The following ATXN2 variants were observed in gnomAD, a reference collection of about 807,000 sequenced individuals.
ATXN2 encodes ataxin-2.
ATXN2 carries 37 observed loss-of-function variants against 138.6 expected under a neutral mutation model. The observed-to-expected ratio is 0.27, with a 90% CI of 0.21 to 0.35. The LOEUF is 0.35. ATXN2 is among the 10% of genes least tolerant of loss of function. The probability of loss-of-function intolerance (pLI) is 1.00; values close to 1 mark genes in which losing one functional copy is unlikely to be tolerated. For missense variants in ATXN2, 1,216 were observed against 1,480.3 expected (o/e 0.82, Z 2.93); for synonymous variants, 549 against 543.7 (o/e 1.01, Z -0.13).
intron 1 of ATXN2, among the ~76,000 whole-genome samples, chr12:111,557,530 A>G (rs922493142): frequency 6.6e-6 from 1 of 152,208 alleles, no homozygotes; most frequent in African/African-American, 2.4e-5. Context: ...ACACCATACT[A>G]AGTACTTCAC....
intron 15 of ATXN2, among the ~76,000 whole-genome samples, chr12:111,487,646 G>T (rs1453831291): frequency 6.6e-6 from 1 of 151,878 alleles, no homozygotes; most frequent in African/African-American, 2.4e-5. Flanking sequence ...TTTTAGTACA[G>T]ACAGGGTTTC....
chr12:111,531,552 T>C (rs1880834518), intron 5 of ATXN2, among the ~76,000 whole-genome samples: 1 of 152,104 alleles, frequency 6.6e-6, no homozygotes, highest in South Asian at 2.1e-4. Context: ...TGAATACTCA[T>C]CTGTTCTAAC....
intron 14 of ATXN2, among the ~76,000 whole-genome samples, chr12:111,501,944 C>T (rs764817390): frequency 6.6e-5 from 10 of 151,488 alleles, no homozygotes; most frequent in African/African-American, 1.7e-4. Flanking sequence ...CAGACTGGAG[C>T]GCAGTGGTGC....
chr12:111,470,109 A>G lies in ATXN2; in HGVS notation c.2841T>C (p.Tyr947=). 3 of 1,613,734 alleles carry G rather than the reference A, an allele frequency of 1.9e-6. No homozygotes were observed. Among genetic ancestry groups the G allele is most frequent in the Non-Finnish European group, 2.5e-6 (3 of 1,179,834 alleles). The part of the protein sequence containing the change: ...YGAHEQTHAM[Y]ACPKLPYNKE... ...AGAGACAAACAAAGTGCTTCCTACC[A>G]TACATCGCATGCGTCTGCTCATGAG... Residue 947 remains tyrosine, a splice_region_variant and synonymous_variant, in exon 20 of 25, where the codon TAT becomes TAC. Transcript: ENST00000673436.
chr12:111,484,866 G>A (rs1403019563), intron 18 of ATXN2, among the ~76,000 whole-genome samples: 1 of 152,060 alleles, frequency 6.6e-6, no homozygotes, highest in Non-Finnish European at 1.5e-5. Flanking sequence ...AAACAGCTGG[G>A]GCTACAGGCA....
At chr12:111,535,996 T>C in intron 5 of ATXN2, among the ~76,000 whole-genome samples, 2 of 122,438 alleles carry the variant, frequency 1.6e-5, no homozygotes, top group African/African-American at 9.6e-5. Flanking sequence ...CGAGACTCCG[T>C]CTCAAAAAAA....
intron 1 of ATXN2, among the ~76,000 whole-genome samples, chr12:111,588,413 A>C (rs950903656): frequency 1.3e-5 from 2 of 152,226 alleles, no homozygotes; most frequent in South Asian, 2.1e-4. Context: ...ACTTGAGGCC[A>C]GAAGTTCCAG....
At chr12:111,458,015 C>T (rs1875246820) in intron 21 of ATXN2, 1 of 152,228 alleles carries the variant, frequency 6.6e-6, no homozygotes, top group Non-Finnish European at 1.5e-5. Flanking sequence ...ATTTACTAGA[C>T]TAACTTCAAA....
In ATXN2 at chr12:111,554,618, A is replaced by G. The variant is rs1882292175; in HGVS notation, c.289-401T>C. Among the ~76,000 whole-genome samples, 5 of 152,320 alleles carry G rather than the reference A, an allele frequency of 3.3e-5. No individual in the cohort carries two copies. In the South Asian group the frequency reaches 8.3e-4, roughly 25 times the overall value. ...GGTGTTTTGACTAAACATGACATAA[A>G]AAAGCAAGAGTAAACTTCCATAGAG... is the stretch of plus-strand genomic sequence containing the variant. On this transcript the variant is annotated intron_variant, in intron 2 of 24. Transcript: ENST00000673436.
Position 111,518,355 on chromosome 12 carries a change from T to C in ATXN2, c.1059A>G (p.Ser353=). 3 of 1,613,526 alleles carry C rather than the reference T, an allele frequency of 1.9e-6. No individual in the cohort carries two copies. The highest frequency in any genetic ancestry group is 2.5e-6 in the Non-Finnish European group (3 of 1,179,574). ...VISWGSGRQN[S]PRMGQPGSGS... ...CCGATCCAGGCTGGCCCATACGCGGTGAATTCTGTCTCCCACTTCCCCAGG... is the reference window on the plus strand; with the variant it reads ...CCGATCCAGGCTGGCCCATACGCGGCGAATTCTGTCTCCCACTTCCCCAGG... The change falls in exon 9 of 25, where the codon TCA becomes TCG. Residue 353 remains serine, a synonymous_variant. Coordinates refer to ENST00000673436, the MANE Select transcript of ATXN2 (RefSeq NM_001372574.1).
At chr12:111,595,312 A>T (rs927276747) in intron 1 of ATXN2, among the ~76,000 whole-genome samples, 3 of 152,238 alleles carry the variant, frequency 2.0e-5, no homozygotes, top group Non-Finnish European at 4.4e-5. Context: ...ATAACAAAAA[A>T]GTGGAAACCC....
chr12:111,558,763 C>T (rs1417042005), intron 1 of ATXN2, among the ~76,000 whole-genome samples: 1 of 152,076 alleles, frequency 6.6e-6, no homozygotes, highest in Non-Finnish European at 1.5e-5. Flanking sequence ...TGCCACTGCA[C>T]TCCAGCATTG....
chr12:111,551,854 C>T (rs666727), intron 5 of ATXN2, among the ~76,000 whole-genome samples: 46,591 of 151,758 alleles, frequency 0.31, 9,219 homozygotes, highest in African/African-American at 0.57. Flanking sequence ...CTTACTTGGG[C>T]TATTCTAGAA....
intron 5 of ATXN2, among the ~76,000 whole-genome samples, chr12:111,547,836 A>ATTTTTTTT (rs34988312): frequency 1.5e-4 from 15 of 100,218 alleles, no homozygotes; most frequent in African/African-American, 2.9e-4. Context: ...TTGCTTGAGA[A>ATTTTTTTT]TTTTTTTTTT....
At chr12:111,502,588 C>T (rs1213907725) in intron 14 of ATXN2, among the ~76,000 whole-genome samples, 1 of 152,078 alleles carries the variant, frequency 6.6e-6, no homozygotes, top group African/African-American at 2.4e-5. Context: ...TGCCACCACG[C>T]CTGGCTAATT....
chr12:111,561,202 G>C (rs1341750383), intron 1 of ATXN2, among the ~76,000 whole-genome samples: 1 of 150,722 alleles, frequency 6.6e-6, no homozygotes, highest in African/African-American at 2.4e-5. Context: ...AAAAATAAAT[G>C]AACAGTCTCT....
intron 1 of ATXN2, among the ~76,000 whole-genome samples, chr12:111,556,983 A>G (rs1566062435): frequency 2.0e-5 from 3 of 152,182 alleles, no homozygotes; most frequent in Non-Finnish European, 4.4e-5. Flanking sequence ...TCCCTCAGAA[A>G]AGATGCAGTA....
At chr12:111,563,851 A>G (rs1021012239) in intron 1 of ATXN2, among the ~76,000 whole-genome samples, 3 of 152,170 alleles carry the variant, frequency 2.0e-5, no homozygotes, top group African/African-American at 7.2e-5. Context: ...CTTTTCAGGA[A>G]GTCTTCCTTC....
At chr12:111,590,365 G>C (rs1037491745) in intron 1 of ATXN2, among the ~76,000 whole-genome samples, 1 of 152,080 alleles carries the variant, frequency 6.6e-6, no homozygotes, top group African/African-American at 2.4e-5. Flanking sequence ...TGAAGGGCAA[G>C]TACTGTCCGT....
Sources: allele counts gnomAD v4.1 joint callset (sites outside exome capture counted in the v4.1 genomes callset), GRCh38; gene constraint gnomAD v4.1.1; transcripts MANE v1.5; gene names NCBI Gene and HGNC (gene_info 2026-07-23, HGNC 2026-07-21).